Variants in ELK3 observed in about 807,000 individuals in gnomAD.
ELK3 encodes ETS domain-containing protein Elk-3.
ELK3 carries 10 observed loss-of-function variants against 28.9 expected under a neutral mutation model. The observed-to-expected ratio is 0.35, with a 90% CI of 0.21 to 0.59. The LOEUF is 0.59. ELK3 is among the 20% of genes least tolerant of loss of function. The pLI, the probability that ELK3 is intolerant of heterozygous loss-of-function variation, is 0.82. For synonymous variants in ELK3, 272 were observed against 243.5 expected (o/e 1.12, Z -1.09); for missense variants, 463 against 517.3 (o/e 0.90, Z 1.02).
chr12:96,256,135 C>T (rs984872479), intron 3 of ELK3, among the ~76,000 whole-genome samples: 12 of 152,156 alleles, frequency 7.9e-5, no homozygotes, highest in African/African-American at 2.9e-4. Flanking sequence ...GGCAGGTGGA[C>T]TGGCCTGGGC....
Position 96,268,282 on chromosome 12 carries a change from G to T in ELK3, c.*1102G>T, listed in dbSNP as rs1444441289. ...TGCTGTAATACAAATAGAGAGTGGAGGTACTAAAGGCCTTGCTTGTGGAAA... is the reference window on the plus strand; with the variant it reads ...TGCTGTAATACAAATAGAGAGTGGATGTACTAAAGGCCTTGCTTGTGGAAA... On this transcript the variant is annotated 3_prime_UTR_variant, in exon 5 of 5. Transcript: ENST00000228741. The T allele has an allele frequency of 6.6e-6, 1 of 152,118 alleles. No individual in the cohort carries two copies. The highest frequency in any genetic ancestry group is 2.4e-5 in the African/African-American group (1 of 41,402). The allele number at this position is 152,118 out of a possible 1,614,324, so 9.4% of individuals were successfully genotyped here. A position where few individuals can be genotyped will look rare whatever the true frequency, so the allele number is the denominator to read the frequency against.
chr12:96,240,968 G>C (rs550239606), intron 2 of ELK3, among the ~76,000 whole-genome samples: 12 of 152,340 alleles, frequency 7.9e-5, no homozygotes, highest in African/African-American at 2.9e-4. Flanking sequence ...AAATGGATGG[G>C]TGAAATTATG....
intron 4 of ELK3, among the ~76,000 whole-genome samples, chr12:96,264,335 A>AAAAC (rs1383993446): frequency 2.0e-5 from 3 of 152,214 alleles, no homozygotes; most frequent in Non-Finnish European, 2.9e-5. Context: ...CTTTGAGATT[A>AAAAC]AAACAGTGGA....
At chr12:96,203,227 C>T (rs1170294596) in intron 1 of ELK3, among the ~76,000 whole-genome samples, 1 of 152,170 alleles carries the variant, frequency 6.6e-6, no homozygotes, top group African/African-American at 2.4e-5. Context: ...AGGGCTGGTG[C>T]CCCTCATTAT....
At chr12:96,266,269 T>C (rs912683255) in intron 4 of ELK3, among the ~76,000 whole-genome samples, 14 of 152,234 alleles carry the variant, frequency 9.2e-5, no homozygotes, top group African/African-American at 3.4e-4. Flanking sequence ...AGTTTAACTT[T>C]CCTGGACTAA....
At chr12:96,258,984 T>C (rs898088262) in intron 3 of ELK3, among the ~76,000 whole-genome samples, 2 of 152,218 alleles carry the variant, frequency 1.3e-5, no homozygotes, top group African/African-American at 4.8e-5. Context: ...GCTGTTGATA[T>C]GGAGACCATT....
intron 4 of ELK3, among the ~76,000 whole-genome samples, chr12:96,264,581 G>A (rs534670224): frequency 2.6e-5 from 4 of 152,084 alleles, no homozygotes; most frequent in Non-Finnish European, 5.9e-5. Context: ...CCAAGAGTTC[G>A]AGACCATCAG....
chr12:96,211,543 T>C (rs892953275), intron 1 of ELK3, among the ~76,000 whole-genome samples: 6 of 151,864 alleles, frequency 4.0e-5, no homozygotes, highest in African/African-American at 9.7e-5. Flanking sequence ...TTTATGTATG[T>C]GAATATATTT....
intron 1 of ELK3, among the ~76,000 whole-genome samples, chr12:96,213,464 G>A (rs1951590211): frequency 1.3e-5 from 2 of 152,172 alleles, no homozygotes; most frequent in South Asian, 2.1e-4. Context: ...GGGCTGGGTT[G>A]TATGGTGGTT....
intron 2 of ELK3, among the ~76,000 whole-genome samples, chr12:96,230,920 A>G (rs937746082): frequency 2.0e-5 from 3 of 152,180 alleles, no homozygotes; most frequent in African/African-American, 7.2e-5. Flanking sequence ...GGCAAACCCA[A>G]TTATAATTCC....
chr12:96,221,302 A>G (rs1008328122), intron 1 of ELK3, among the ~76,000 whole-genome samples: 1 of 152,252 alleles, frequency 6.6e-6, no homozygotes, highest in Admixed American at 6.5e-5. Flanking sequence ...GAGGCCAGGC[A>G]GGTGGAAATG....
Position 96,247,597 on chromosome 12 carries a change from C to T in ELK3, c.865C>T (p.Pro289Ser), listed in dbSNP as rs750640429. ...CAAGACCAAGTCTCCATCTCTTCCCCCAAAGGCCAAAAAACCCAAAGGCTT... is the reference window on the plus strand; with the variant it reads ...CAAGACCAAGTCTCCATCTCTTCCCTCAAAGGCCAAAAAACCCAAAGGCTT... The part of the protein sequence containing the change: ...GSKTKSPSLP[P>S]KAKKPKGLEI... Residue 289 changes from proline (P) to serine (S), a missense_variant, in exon 3 of 5, where the codon CCA becomes TCA. By Grantham distance (74) the Pro-to-Ser change is moderately conservative (BLOSUM62 -1). This residue lies in a region of ELK3 where 408 missense variants were observed against 414.8 expected (regional missense o/e 0.98). Coordinates refer to ENST00000228741, the MANE Select transcript of ELK3 (RefSeq NM_005230.4). The surrounding 1 kb of genome is among the most constrained non-coding windows in gnomAD (Gnocchi z 5.5). The T allele has an allele frequency of 2.5e-6, 4 of 1,613,952 alleles. No homozygotes were observed. Among genetic ancestry groups the T allele is most frequent in the Admixed American group, 1.7e-5 (1 of 60,028 alleles).
chr12:96,251,916 C>T (rs1228652644), intron 3 of ELK3, among the ~76,000 whole-genome samples: 8 of 152,218 alleles, frequency 5.3e-5, no homozygotes, highest in Non-Finnish European at 1.0e-4. Flanking sequence ...GATCTAGCTA[C>T]GCTCATTGAT....
rs150064536 is a variant in ELK3, at chr12:96,203,570, C to T, written c.-3+8865C>T. ...GTTTTGCCCTTGGACTTGATAAAGC[C>T]GTTTGTTGCTATGCATATGTCCATC... On this transcript the variant is annotated intron_variant, in intron 1 of 4. Transcript: ENST00000228741. Among the ~76,000 whole-genome samples the T allele has an allele frequency of 4.7e-4, 72 of 152,252 alleles. No individual in the cohort carries two copies. The East Asian group carries it at 8.7e-3, about 18-fold the overall frequency.
chr12:96,252,640 A>C (rs1397546672), intron 3 of ELK3, among the ~76,000 whole-genome samples: 1 of 152,208 alleles, frequency 6.6e-6, no homozygotes, highest in Non-Finnish European at 1.5e-5. Flanking sequence ...AAATAGCAAG[A>C]GAACTAGCAT....
At chr12:96,214,409 C>T (rs971487636) in intron 1 of ELK3, among the ~76,000 whole-genome samples, 9 of 150,840 alleles carry the variant, frequency 6.0e-5, no homozygotes, top group East Asian at 5.9e-4. Context: ...CCAGCCTGGG[C>T]GACAGAGCAA....
At chr12:96,264,505 G>A (rs1332268214) in intron 4 of ELK3, among the ~76,000 whole-genome samples, 3 of 152,110 alleles carry the variant, frequency 2.0e-5, no homozygotes, top group Non-Finnish European at 4.4e-5. Flanking sequence ...AGTTAAGGCC[G>A]GGCATGGTGG....
chr12:96,212,044 CAG>C (rs570355289), intron 1 of ELK3, among the ~76,000 whole-genome samples: 55 of 152,284 alleles, frequency 3.6e-4, no homozygotes, highest in African/African-American at 1.3e-3. Flanking sequence ...ATAAGAACCT[CAG>C]TGTTGTTTCA....
chr12:96,242,920 C>T (rs774197093), intron 2 of ELK3, among the ~76,000 whole-genome samples: 4 of 152,064 alleles, frequency 2.6e-5, no homozygotes, highest in Non-Finnish European at 5.9e-5. Flanking sequence ...TCCTTTTGGC[C>T]AGCTAGTAAA....
Sources: allele counts gnomAD v4.1 joint callset (sites outside exome capture counted in the v4.1 genomes callset), GRCh38; gene constraint gnomAD v4.1.1; regional missense constraint gnomAD v4.1.1; non-coding constraint Gnocchi (gnomAD v3.1); transcripts MANE v1.5; gene names NCBI Gene and HGNC (gene_info 2026-07-23, HGNC 2026-07-21).